PDZRN4: variants seen among roughly 807,000 people sequenced by gnomAD.
PDZRN4 encodes PDZ domain-containing RING finger protein 4.
In PDZRN4, 70 loss-of-function variants were observed where a neutral mutation model predicts 99.0. The observed-to-expected ratio is 0.71, with a 90% confidence interval of 0.58 to 0.86. PDZRN4 has a LOEUF of 0.86. Among genes scored for constraint, PDZRN4 ranks in the 40% least tolerant of loss-of-function variants. The probability of loss-of-function intolerance (pLI) is 0.00; values close to 1 mark genes in which losing one functional copy is unlikely to be tolerated. For synonymous variants in PDZRN4, 551 were observed against 501.6 expected, an observed-to-expected ratio of 1.10 and a Z score of -1.32; for missense variants, 1,474 against 1,331.2, an observed-to-expected ratio of 1.11 and a Z score of -1.67.
In PDZRN4 at chr12:41,517,293, T is replaced by C. The variant is rs1036800129; in HGVS notation, c.1203+7380T>C. 3.3e-5 allele frequency among the ~76,000 whole-genome samples: 5 copies of C among 152,212 alleles called. No homozygotes were observed. The South Asian group carries it at 1.0e-3, about 32-fold the overall frequency. On this transcript the variant is annotated intron_variant, in intron 5 of 9. Coordinates refer to ENST00000402685, the MANE Select transcript of PDZRN4 (RefSeq NM_001164595.2). ...TAAAATAAAGATTCCTTATACTACA[T>C]ATATGACTTTTATCAAAATGCCGAC...
intron 3 of PDZRN4, among the ~76,000 whole-genome samples, chr12:41,453,469 G>T (rs376136518): frequency 1.3e-5 from 2 of 152,306 alleles, no homozygotes; most frequent in East Asian, 1.9e-4. Flanking sequence ...ATGTGACTTT[G>T]AAAGTCTGAC....
At chr12:41,501,453 C>T (rs572656181) in intron 3 of PDZRN4, among the ~76,000 whole-genome samples, 1 of 152,084 alleles carries the variant, frequency 6.6e-6, no homozygotes, top group East Asian at 1.9e-4. Context: ...TGAAGAGTGG[C>T]CCAGATTTTG....
rs765143490 is a variant in PDZRN4 at position 41,189,083 on chromosome 12, C to T, written c.628C>T (p.Leu210Phe). The T allele has an allele frequency of 7.6e-6, 12 of 1,581,868 alleles. No individual in the cohort carries two copies. The highest frequency in any genetic ancestry group is 1.7e-5 in the Admixed American group (1 of 57,864). Residue 210 changes from leucine (L) to phenylalanine (F), a missense_variant, in exon 1 of 10, where the codon CTC (leucine) becomes TTC (phenylalanine). By Grantham distance (22) the Leu-to-Phe change is conservative. Coordinates refer to ENST00000402685, the MANE Select transcript of PDZRN4 (RefSeq NM_001164595.2). ...MAHVRNFVGD[L>F]GGGHRRDGEH... is the part of the protein sequence containing the mutation. ...TCACGTCCGCAACTTCGTCGGCGAC[C>T]TCGGTGGCGGCCACCGCAGGGTAAG... is the stretch of plus-strand genomic sequence containing the variant.
At chr12:41,477,358 C>T (rs1030060275) in intron 3 of PDZRN4, among the ~76,000 whole-genome samples, 77 of 152,094 alleles carry the variant, frequency 5.1e-4, no homozygotes, top group Admixed American at 4.8e-3. Flanking sequence ...AAGGCACTCA[C>T]GGGAATGAAA....
intron 3 of PDZRN4, among the ~76,000 whole-genome samples, chr12:41,284,970 C>A (rs1444013846): frequency 6.6e-6 from 1 of 152,040 alleles, no homozygotes; most frequent in African/African-American, 2.4e-5. Context: ...GACTAAAACA[C>A]CAAAAGCAAT....
chr12:41,360,287 TG>T (rs1951955373), intron 3 of PDZRN4, among the ~76,000 whole-genome samples: 1 of 152,094 alleles, frequency 6.6e-6, no homozygotes, highest in African/African-American at 2.4e-5. Flanking sequence ...GAAATGTTAC[TG>T]ATTTCTTTTG....
chr12:41,422,034 T>C (rs540157039), intron 3 of PDZRN4, among the ~76,000 whole-genome samples: 36 of 152,128 alleles, frequency 2.4e-4, no homozygotes, highest in Non-Finnish European at 5.0e-4. Flanking sequence ...GTTGAATAAG[T>C]AGATGAATTT....
At chr12:41,446,359 A>G (rs1371401165) in intron 3 of PDZRN4, among the ~76,000 whole-genome samples, 1 of 151,768 alleles carries the variant, frequency 6.6e-6, no homozygotes, top group Admixed American at 6.6e-5. Flanking sequence ...TGTTTCAGAT[A>G]TCTTTACTAA....
intron 5 of PDZRN4, among the ~76,000 whole-genome samples, chr12:41,520,474 G>C (rs1231742541): frequency 6.6e-6 from 1 of 152,220 alleles, no homozygotes; most frequent in African/African-American, 2.4e-5. Flanking sequence ...AAAGGATTTA[G>C]AACTGAGACT....
intron 3 of PDZRN4, among the ~76,000 whole-genome samples, chr12:41,194,646 C>T (rs1054587545): frequency 1.3e-5 from 2 of 151,972 alleles, no homozygotes; most frequent in Admixed American, 1.3e-4. Flanking sequence ...GACGCTGCCT[C>T]CAAAAAGAAG....
rs1349675955 is a variant in PDZRN4 at position 41,249,743 on chromosome 12, A to T, written c.843+55555A>T. ...TATGCAGCCTTCCTTTGATTTGAAG[A>T]CTTTACACTTTGACATTTTCTGTTG... On this transcript the variant is annotated intron_variant, in intron 3 of 9. Transcript: ENST00000402685. Among the ~76,000 whole-genome samples, 3 of 152,162 alleles carry T rather than the reference A, an allele frequency of 2.0e-5. No homozygotes were observed. In the East Asian group the frequency reaches 5.8e-4, roughly 29 times the overall value.
intron 3 of PDZRN4, among the ~76,000 whole-genome samples, chr12:41,484,885 A>C (rs59252906): frequency 0.025 from 3,853 of 152,166 alleles, 161 homozygotes; most frequent in African/African-American, 0.089. Flanking sequence ...GGTTGCCTAC[A>C]ATCCTGACAA....
chr12:41,544,918 G>A (rs1938919953), intron 5 of PDZRN4, among the ~76,000 whole-genome samples: 1 of 152,044 alleles, frequency 6.6e-6, no homozygotes, highest in South Asian at 2.1e-4. Flanking sequence ...TGTGACTTTG[G>A]GCCCAAGTTC....
chr12:41,492,165 T>G (rs1462603523), intron 3 of PDZRN4, among the ~76,000 whole-genome samples: 1 of 152,194 alleles, frequency 6.6e-6, no homozygotes, highest in Admixed American at 6.6e-5. Context: ...ATATGATAGT[T>G]AATTTTTAAG....
intron 3 of PDZRN4, among the ~76,000 whole-genome samples, chr12:41,386,290 C>T (rs1952170382): frequency 6.6e-6 from 1 of 152,206 alleles, no homozygotes; most frequent in African/African-American, 2.4e-5. Context: ...TTCTGCTCAA[C>T]ATAGTACTGG....
At chr12:41,330,401 T>C (rs553201146) in intron 3 of PDZRN4, among the ~76,000 whole-genome samples, 1 of 151,584 alleles carries the variant, frequency 6.6e-6, no homozygotes, top group East Asian at 2.0e-4. Flanking sequence ...CAACTTCACC[T>C]CTCTGTATCT....
At chr12:41,245,252 C>G (rs1303666999) in intron 3 of PDZRN4, among the ~76,000 whole-genome samples, 3 of 152,122 alleles carry the variant, frequency 2.0e-5, no homozygotes, top group African/African-American at 7.2e-5. Flanking sequence ...CATGACATCT[C>G]TAGAACCTGG....
chr12:41,194,280 C>G, intron 3 of PDZRN4, 92 bp downstream of exon 3: 1 of 692,206 alleles, frequency 1.4e-6, no homozygotes, highest in Non-Finnish European at 2.5e-6. Flanking sequence ...TGGTGTGGTG[C>G]TTATTAGAAT....
chr12:41,489,405 G>A (rs184734513), intron 3 of PDZRN4, among the ~76,000 whole-genome samples: 3 of 152,142 alleles, frequency 2.0e-5, no homozygotes, highest in Admixed American at 6.6e-5. Flanking sequence ...CCAGACTAAA[G>A]GTTCTAGCAA....
Sources: gnomAD v4.1 joint callset for allele counts (sites outside exome capture counted in the v4.1 genomes callset) on GRCh38, gnomAD v4.1.1 for gene constraint, MANE v1.5 for transcripts, NCBI Gene and HGNC (gene_info 2026-07-23, HGNC 2026-07-21) for gene names.